APOB: variants seen among roughly 807,000 people sequenced by gnomAD.
APOB encodes the protein apolipoprotein B-100.
APOB carries 153 observed loss-of-function variants against 314.1 expected under a neutral mutation model. That is an observed-to-expected ratio of 0.49 (90% confidence interval 0.43 to 0.56). The LOEUF is 0.56. Among genes scored for constraint, APOB ranks in the 20% least tolerant of loss-of-function variants. The probability of loss-of-function intolerance (pLI) is 0.00; values close to 1 mark genes in which losing one functional copy is unlikely to be tolerated. For missense variants in APOB, 5,430 were observed against 5,350.7 expected, an observed-to-expected ratio of 1.01 and a Z score of -0.46; for synonymous variants, 2,087 against 2,036.4, an observed-to-expected ratio of 1.02 and a Z score of -0.67.
chr2:21,005,879 T>A lies in APOB; in HGVS notation c.10989A>T (p.Gly3663=). The change falls in exon 26 of 29, where the codon GGA becomes GGT. Residue 3663 remains glycine, a synonymous_variant. Transcript: ENST00000233242. ...GGAACCTTAGGTGTCCTTCTAAGGA[T>A]CCTGCAATGTCAAGGTGTGCCTTTT... The part of the protein sequence containing the change: ...DQEKAHLDIA[G]SLEGHLRFLK... The A allele has an allele frequency of 6.2e-7, 1 of 1,614,010 alleles. No individual in the cohort carries two copies. The highest frequency in any genetic ancestry group is 8.5e-7 in the Non-Finnish European group (1 of 1,179,952).
chr2:21,023,285 A>G (rs1663658337), intron 17 of APOB, among the ~76,000 whole-genome samples: 1 of 152,214 alleles, frequency 6.6e-6, no homozygotes, highest in South Asian at 2.1e-4. Flanking sequence ...AAAAGATGAT[A>G]GGAATACTCA....
chr2:21,013,546 A>G lies in APOB; in HGVS notation c.3843-13T>C, dbSNP rs1312633851. 1.9e-6 allele frequency: 3 copies of G among 1,613,972 alleles called. No individual in the cohort carries two copies. Among genetic ancestry groups the G allele is most frequent in the South Asian group, 1.1e-5 (1 of 91,064 alleles). On this transcript the variant is annotated splice_polypyrimidine_tract_variant and intron_variant, in intron 24 of 28. Transcript: ENST00000233242. The stretch of plus-strand genomic sequence containing the variant: ...GACCCGGCCATCGCTGAAATGAACA[A>G]CAAAGATAACATCCCCACAGTCAGA...
Position 21,023,601 on chromosome 2 carries a change from C to T in APOB, c.2528G>A (p.Gly843Glu), listed in dbSNP as rs1451565494. ...ENAFELPTGA[G>E]LQLQISSSGV... ...AGATGAAGATATTTGCAACTGTAAT[C>T]CAGCTCCAGTGGGGAGTTCAAAGGC... is the stretch of plus-strand genomic sequence containing the variant. The change falls in exon 17 of 29, where the codon GGA becomes GAA. Residue 843 changes from glycine (G) to glutamate (E), a missense_variant. Transcript: ENST00000233242. The T allele has an allele frequency of 6.2e-7, 1 of 1,614,216 alleles. No homozygotes were observed. Among genetic ancestry groups the T allele is most frequent in the African/African-American group, 1.3e-5 (1 of 75,068 alleles).
intron 5 of APOB, 89 bp from the exon 6 acceptor site, chr2:21,037,344 A>G: frequency 7.3e-7 from 1 of 1,368,502 alleles, no homozygotes; most frequent in South Asian, 1.2e-5. Flanking sequence ...TCGTGAAAGA[A>G]AAAGCAGAAG....
intron 4 of APOB, 112 bp downstream of exon 4, chr2:21,040,826 A>ATGGATACGGAATACAAATAC: frequency 8.1e-7 from 1 of 1,227,574 alleles, no homozygotes; most frequent in Non-Finnish European, 1.2e-6. Flanking sequence ...CTGATCCACG[A>ATGGATACGGAATACAAATAC]TGGATACGGA....
rs183398286 is a variant in APOB at position 21,022,990 on chromosome 2, T to C, written c.2657A>G (p.Asn886Ser). The C allele has an allele frequency of 6.3e-5, 101 of 1,614,196 alleles. No individual in the cohort carries two copies. Among genetic ancestry groups the C allele is most frequent in the Non-Finnish European group, 8.1e-5 (95 of 1,180,036 alleles). Residue 886 changes from asparagine to serine, a missense_variant, in exon 18 of 29, where the codon AAT becomes AGT. Transcript: ENST00000233242. The part of the protein sequence containing the change: ...KPSVSVEFVT[N>S]MGIIIPDFAR... ...GAAGTCCGGAATGATGATGCCCATA[T>C]TTGTCACAAACTCCACAGACACGGA...
Position 21,014,490 on chromosome 2 carries a change from C to A in APOB, c.3800G>T (p.Gly1267Val). 1 of 1,614,120 alleles carries A rather than the reference C, an allele frequency of 6.2e-7. No homozygotes were observed. Among genetic ancestry groups the A allele is most frequent in the East Asian group, 2.2e-5 (1 of 44,878 alleles). Residue 1267 changes from glycine to valine, a missense_variant, in exon 24 of 29, where the codon GGA becomes GTA. Coordinates refer to ENST00000233242, the MANE Select transcript of APOB (RefSeq NM_000384.3). ...TTCTGGGATGTGGAAGTCTGGCAATCCCATGTTCTGGAGGTTGAACTCCTT... is the reference window on the plus strand; with the variant it reads ...TTCTGGGATGTGGAAGTCTGGCAATACCATGTTCTGGAGGTTGAACTCCTT... ...SLKEFNLQNM[G>V]LPDFHIPENL...
Position 21,025,102 on chromosome 2 carries a change from A to G in APOB, c.2267T>C (p.Leu756Pro). 6.2e-7 allele frequency: 1 copy of G among 1,614,186 alleles called. No homozygotes were observed. Among genetic ancestry groups the G allele is most frequent in the Non-Finnish European group, 8.5e-7 (1 of 1,180,028 alleles). Residue 756 changes from leucine (L) to proline (P), a missense_variant, in exon 16 of 29, where the codon CTC becomes CCC. Around this residue, in one of 3 missense-constraint regions of APOB, gnomAD observed 2,085 missense variants for 2,079.7 expected, o/e 1.00. Coordinates refer to ENST00000233242, the MANE Select transcript of APOB (RefSeq NM_000384.3). Reference sequence around the variant, plus strand: ...ATCTTTAATCAGCTTCTCAACACTGAGCATTATTCCATTTACCATATCCTG... The same window carrying G: ...ATCTTTAATCAGCTTCTCAACACTGGGCATTATTCCATTTACCATATCCTG... ...HEQDMVNGIM[L>P]SVEKLIKDLK...
chr2:21,014,424 A>C (rs1409187144), intron 24 of APOB, 24 bp downstream of exon 24: 2 of 1,613,926 alleles, frequency 1.2e-6, no homozygotes, highest in Non-Finnish European at 1.7e-6. Flanking sequence ...TGGTTCAAGA[A>C]GCCTTGCTGC....
At chr2:21,035,438 A>C in intron 7 of APOB, 146 bp downstream of exon 7, 1 of 1,060,298 alleles carries the variant, frequency 9.4e-7, no homozygotes, top group East Asian at 2.5e-5. Flanking sequence ...CTGTTCGCTT[A>C]AAAAGGGGGA....
chr2:21,021,443 A>G (rs1243341824), intron 18 of APOB, among the ~76,000 whole-genome samples: 1 of 152,094 alleles, frequency 6.6e-6, no homozygotes, highest in Admixed American at 6.6e-5. Flanking sequence ...CATCTTCCAC[A>G]CTAGAGTCAG....
Position 21,004,543 on chromosome 2 carries a change from T to C in APOB, c.11903+18A>G. ...TTTTCAAAAGGTATAAGGTTTCAATTCAATAAAAGCTCCATACTGAAGTCC... is the reference window on the plus strand; with the variant it reads ...TTTTCAAAAGGTATAAGGTTTCAATCCAATAAAAGCTCCATACTGAAGTCC... On this transcript the variant is annotated intron_variant, in intron 27 of 28. Transcript: ENST00000233242. 6.2e-7 allele frequency: 1 copy of C among 1,612,814 alleles called. No homozygotes were observed. The highest frequency in any genetic ancestry group is 8.5e-7 in the Non-Finnish European group (1 of 1,178,840).
rs533794587 is a variant in APOB, at chr2:21,024,492, G to A, written c.2436+441C>T. 575 of 249,436 alleles carry A rather than the reference G, an allele frequency of 2.3e-3. 2 individuals are homozygous for A. The highest frequency in any genetic ancestry group is 2.2e-3 in the African/African-American group (96 of 43,790). The allele number at this position is 249,436 out of a possible 1,614,324, so 15.5% of individuals were successfully genotyped here. The stretch of plus-strand genomic sequence containing the variant: ...AAATTAGCCGGGCATGCTGGTGCAC[G>A]TCCACAGTCCCAGCTACTTGGGAGG... On this transcript the variant is annotated intron_variant, in intron 16 of 28. Transcript: ENST00000233242.
At chr2:21,030,544 A>G (rs1177914655) in intron 10 of APOB, among the ~76,000 whole-genome samples, 2 of 152,244 alleles carry the variant, frequency 1.3e-5, no homozygotes, top group Non-Finnish European at 2.9e-5. Context: ...TGGCCTAGAC[A>G]AAGAATTCGT....
rs747364777 is a variant in APOB at position 21,011,173 on chromosome 2, C to T, written c.5695G>A (p.Val1899Ile). The change falls in exon 26 of 29, where the codon GTA (valine) becomes ATA (isoleucine). Residue 1899 changes from valine to isoleucine, a missense_variant. Physicochemically the swap from Val to Ile is conservative, Grantham distance 29. Around this residue, in one of 3 missense-constraint regions of APOB, gnomAD observed 3,281 missense variants for 3,171.0 expected, o/e 1.03. Coordinates refer to ENST00000233242, the MANE Select transcript of APOB (RefSeq NM_000384.3). ...SLHFSNVFRS[V>I]MAPFTMTIDA... ...ATGGTCATGGTAAACGGGGCCATTA[C>T]AGAACGGAAGACATTGCTGAAATGC... 4 of 1,614,066 alleles carry T rather than the reference C, an allele frequency of 2.5e-6. No individual in the cohort carries two copies. Among genetic ancestry groups the T allele is most frequent in the African/African-American group, 2.7e-5 (2 of 74,920 alleles).
rs775406498 is a variant in APOB, at chr2:21,008,673, T to A, written c.8195A>T (p.Gln2732Leu). Reference sequence around the variant, plus strand: ...TTCTGGTATGTGAAGGTCAGGAACTTGAAAATCATTAAGGTTGAGAGTTGG... The same window carrying A: ...TTCTGGTATGTGAAGGTCAGGAACTAGAAAATCATTAAGGTTGAGAGTTGG... ...IIPTLNLNDFQVPDLHIPEFQ... is the reference protein window; with the variant it reads ...IIPTLNLNDFLVPDLHIPEFQ... Residue 2732 changes from glutamine to leucine, a missense_variant, in exon 26 of 29, where the codon CAA (glutamine) becomes CTA (leucine). Coordinates refer to ENST00000233242, the MANE Select transcript of APOB (RefSeq NM_000384.3). The A allele has an allele frequency of 2.5e-6, 4 of 1,614,128 alleles. No individual in the cohort carries two copies. Among genetic ancestry groups the A allele is most frequent in the Non-Finnish European group, 3.4e-6 (4 of 1,179,982 alleles).
rs766444813 is a variant in APOB, at chr2:21,010,296, A to G, written c.6572T>C (p.Leu2191Ser). 8.4e-6 allele frequency: 13 copies of G among 1,548,782 alleles called. No homozygotes were observed. The highest frequency in any genetic ancestry group is 1.1e-5 in the Non-Finnish European group (13 of 1,150,064). Reference protein sequence around the residue: ...FDQYIKDSYDLHDLKIAIANI... With the variant: ...FDQYIKDSYDSHDLKIAIANI... ...AGCAATAGCTATTTTCAAATCATGT[A>G]AATCATAACTATCTTTAATATACTG... The change falls in exon 26 of 29, where the codon TTA becomes TCA. Residue 2191 changes from leucine (L) to serine (S), a missense_variant. By Grantham distance (145) the Leu-to-Ser change is moderately radical (BLOSUM62 -2). Coordinates refer to ENST00000233242, the MANE Select transcript of APOB (RefSeq NM_000384.3).
At chr2:21,042,981 GAA>G (rs1481275959) in intron 2 of APOB, among the ~76,000 whole-genome samples, 2 of 149,308 alleles carry the variant, frequency 1.3e-5, no homozygotes, top group Non-Finnish European at 3.0e-5. Flanking sequence ...AACAATTGAA[GAA>G]AAAGAACATC....
rs1663236823 is a variant in APOB, at chr2:21,009,195, G to A, written c.7673C>T (p.Ala2558Val). 6.2e-7 allele frequency: 1 copy of A among 1,613,980 alleles called. No homozygotes were observed. Among genetic ancestry groups the A allele is most frequent in the African/African-American group, 1.3e-5 (1 of 74,930 alleles). ...CTCTGCAAAGTCAGTAAGGTTCTTAGCAGCAAGAGTCCACCAATCAGAAAT... is the reference window on the plus strand; with the variant it reads ...CTCTGCAAAGTCAGTAAGGTTCTTAACAGCAAGAGTCCACCAATCAGAAAT... ...TYISDWWTLAAKNLTDFAEQY... is the reference protein window; with the variant it reads ...TYISDWWTLAVKNLTDFAEQY... Residue 2558 changes from alanine to valine, a missense_variant, in exon 26 of 29, where the codon GCT becomes GTT. This residue lies in a region of APOB where 3,281 missense variants were observed against 3,171.0 expected (regional missense o/e 1.03). Transcript: ENST00000233242.
Sources: allele counts gnomAD v4.1 joint callset (sites outside exome capture counted in the v4.1 genomes callset), GRCh38; gene constraint gnomAD v4.1.1; regional missense constraint gnomAD v4.1.1; transcripts MANE v1.5; gene names NCBI Gene and HGNC (gene_info 2026-07-23, HGNC 2026-07-21).